RBFOX1: variants seen among roughly 807,000 people sequenced by gnomAD.
The protein encoded by RBFOX1 is RNA binding protein fox-1 homolog 1.
In RBFOX1, 8 loss-of-function variants were observed where a neutral mutation model predicts 57.7. The ratio of observed to expected loss-of-function variants is 0.14; its 90% CI spans 0.08 to 0.25. RBFOX1 has a LOEUF of 0.25. Ranked by LOEUF, RBFOX1 falls within the 10% of genes least tolerant of loss-of-function variation. The pLI is 1.00. For missense variants in RBFOX1, 611 were observed against 548.5 expected (o/e 1.11, Z -1.14); for synonymous variants, 326 against 222.4 (o/e 1.47, Z -4.15).
At chr16:6,752,856 CCTCT>C (rs2075178463) in intron 3 of RBFOX1, among the ~76,000 whole-genome samples, 3 of 151,888 alleles carry the variant, frequency 2.0e-5, no homozygotes, top group Non-Finnish European at 4.4e-5. Context: ...TCTCTGTCAG[CCTCT>C]CTGCTCACAT....
At chr16:7,448,150 C>T (rs1195976540) in intron 4 of RBFOX1, among the ~76,000 whole-genome samples, 1 of 152,196 alleles carries the variant, frequency 6.6e-6, no homozygotes, top group Non-Finnish European at 1.5e-5. Context: ...TATTAATTTC[C>T]TACCCCTTCC....
At chr16:6,883,992 G>C (rs1382940783) in intron 3 of RBFOX1, among the ~76,000 whole-genome samples, 3 of 152,112 alleles carry the variant, frequency 2.0e-5, no homozygotes, top group African/African-American at 7.2e-5. Context: ...TGTGAAAACT[G>C]GGGAGTCACA....
chr16:7,318,379 T>C (rs1568185082), intron 4 of RBFOX1, among the ~76,000 whole-genome samples: 2 of 152,088 alleles, frequency 1.3e-5, no homozygotes, highest in South Asian at 4.1e-4. Context: ...GTGGTGATGA[T>C]GTTTGGTGAT....
At chr16:7,703,704 T>A (rs983490999) in intron 14 of RBFOX1, among the ~76,000 whole-genome samples, 3 of 152,192 alleles carry the variant, frequency 2.0e-5, no homozygotes, top group African/African-American at 7.2e-5. Flanking sequence ...GTAGAGTTGA[T>A]AAAGCACTTT....
rs186363858 is a variant in RBFOX1 at position 6,293,979 on chromosome 16, G to A, written c.-126-23016G>A. Among the ~76,000 whole-genome samples the A allele has an allele frequency of 4.4e-4, 67 of 152,232 alleles. No individual in the cohort carries two copies. The East Asian group carries it at 8.7e-3, about 20-fold the overall frequency. ...ACATTTCAGTGAATAAAATAAAGAT[G>A]TAATGTTTGCCTTATCCTCTAAATA... On this transcript the variant is annotated intron_variant, in intron 1 of 15. Coordinates refer to ENST00000550418, the MANE Select transcript of RBFOX1 (RefSeq NM_018723.4).
At chr16:5,949,873 GCT>G (rs1190736661) in intron 4 of RBFOX1, among the ~76,000 whole-genome samples, 1 of 152,178 alleles carries the variant, frequency 6.6e-6, no homozygotes, top group African/African-American at 2.4e-5. Context: ...TCTGAGACAA[GCT>G]CAAGCTAGAG....
At chr16:6,161,588 A>G (rs968397863) in intron 1 of RBFOX1, among the ~76,000 whole-genome samples, 4 of 152,130 alleles carry the variant, frequency 2.6e-5, no homozygotes, top group Non-Finnish European at 5.9e-5. Context: ...AAGGAATTGC[A>G]TGGCATCTGC....
intron 2 of RBFOX1, among the ~76,000 whole-genome samples, chr16:6,642,004 A>C (rs1014816838): frequency 6.6e-6 from 1 of 152,316 alleles, no homozygotes; most frequent in South Asian, 2.1e-4. Context: ...GGGATTATCC[A>C]GGAGGCTGAC....
chr16:7,160,154 C>T lies in RBFOX1; in HGVS notation c.27+108056C>T, dbSNP rs566787349. On this transcript the variant is annotated intron_variant, in intron 4 of 15. Transcript: ENST00000550418. ...AATTTTCAATTGTTTCAAAGGAATT[C>T]TGAGGATTCTTGGTTTCCAAACTTC... Among the ~76,000 whole-genome samples, 25 of 151,534 alleles carry T rather than the reference C, an allele frequency of 1.6e-4. 1 individual carries two copies. Among genetic ancestry groups the T allele is most frequent in the Non-Finnish European group, 1.6e-4 (11 of 67,934 alleles).
At chr16:6,957,455 C>T (rs892313435) in intron 3 of RBFOX1, among the ~76,000 whole-genome samples, 13 of 152,086 alleles carry the variant, frequency 8.5e-5, no homozygotes, top group South Asian at 8.3e-4. Context: ...TTCATGCCTC[C>T]GCTTGTTAGA....
chr16:5,458,778 C>G (rs1392377189), intron 1 of RBFOX1, among the ~76,000 whole-genome samples: 2 of 152,220 alleles, frequency 1.3e-5, no homozygotes, highest in Non-Finnish European at 2.9e-5. Flanking sequence ...CTTCATGCAT[C>G]CATCCGTCCA....
chr16:6,883,366 A>G (rs1347049268), intron 3 of RBFOX1, among the ~76,000 whole-genome samples: 1 of 152,224 alleles, frequency 6.6e-6, no homozygotes, highest in East Asian at 1.9e-4. Context: ...AGTATAATCA[A>G]GTAAATCACA....
At chr16:6,423,301 G>T (rs2093828100) in intron 2 of RBFOX1, among the ~76,000 whole-genome samples, 2 of 152,162 alleles carry the variant, frequency 1.3e-5, no homozygotes, top group African/African-American at 4.8e-5. Flanking sequence ...GATCCCTGTA[G>T]GAGGCACGTC....
At chr16:5,636,358 A>G (rs1215766707) in intron 3 of RBFOX1, among the ~76,000 whole-genome samples, 2 of 152,196 alleles carry the variant, frequency 1.3e-5, no homozygotes, top group Admixed American at 6.5e-5. Flanking sequence ...CAAAAAAATT[A>G]AATAAATAAA....
chr16:6,328,005 G>A (rs748182812), intron 2 of RBFOX1, among the ~76,000 whole-genome samples: 3 of 152,214 alleles, frequency 2.0e-5, no homozygotes, highest in East Asian at 1.9e-4. Context: ...GTTGTGCATT[G>A]CCAATTTGCA....
At chr16:6,422,335 T>A (rs2093799117) in intron 2 of RBFOX1, among the ~76,000 whole-genome samples, 1 of 151,842 alleles carries the variant, frequency 6.6e-6, no homozygotes, top group Non-Finnish European at 1.5e-5. Context: ...GTGTGGATGA[T>A]CCCATCACCC....
At chr16:6,924,015 C>CA (rs2075043289) in intron 3 of RBFOX1, among the ~76,000 whole-genome samples, 1 of 151,826 alleles carries the variant, frequency 6.6e-6, no homozygotes, top group Non-Finnish European at 1.5e-5. Context: ...ACTAAAAATA[C>CA]AAACATTAGT....
chr16:7,416,876 C>A (rs1033205063), intron 4 of RBFOX1, among the ~76,000 whole-genome samples: 1 of 152,122 alleles, frequency 6.6e-6, no homozygotes, highest in Non-Finnish European at 1.5e-5. Flanking sequence ...CAATCCCCGA[C>A]AACAACCCTC....
chr16:7,534,174 C>A (rs369597856), intron 5 of RBFOX1, among the ~76,000 whole-genome samples: 6 of 151,354 alleles, frequency 4.0e-5, no homozygotes, highest in African/African-American at 9.7e-5. Flanking sequence ...GCAGCCTCCA[C>A]CTCCCAGGTT....
Sources: allele counts gnomAD v4.1 joint callset (sites outside exome capture counted in the v4.1 genomes callset), GRCh38; gene constraint gnomAD v4.1.1; transcripts MANE v1.5; gene names NCBI Gene and HGNC (gene_info 2026-07-23, HGNC 2026-07-21).